The following PTGER3 variants were observed in gnomAD, a reference collection of about 807,000 sequenced individuals.
PTGER3 encodes the protein prostaglandin E receptor 3.
In PTGER3, 22 loss-of-function variants were observed where a neutral mutation model predicts 34.7. The ratio of observed to expected loss-of-function variants is 0.63; its 90% confidence interval spans 0.45 to 0.91. The LOEUF (loss-of-function observed/expected upper bound fraction) is 0.91. Among genes scored for constraint, PTGER3 ranks in the 40% least tolerant of loss-of-function variants. The probability of loss-of-function intolerance (pLI) is 0.00; values close to 1 mark genes in which losing one functional copy is unlikely to be tolerated. For synonymous variants in PTGER3, 241 were observed against 230.1 expected (o/e 1.05, Z -0.43); for missense variants, 468 against 519.4 (o/e 0.90, Z 0.96).
At chr1:70,972,781 A>G (rs2100682586) in intron 3 of PTGER3, among the ~76,000 whole-genome samples, 2 of 152,244 alleles carry the variant, frequency 1.3e-5, no homozygotes, top group African/African-American at 4.8e-5. Context: ...TGTATATCAT[A>G]ATATTAACAT....
chr1:71,029,391 A>G (rs535913937), intron 1 of PTGER3, among the ~76,000 whole-genome samples: 1 of 152,246 alleles, frequency 6.6e-6, no homozygotes, highest in Non-Finnish European at 1.5e-5. Flanking sequence ...TTTGACCCCA[A>G]GAAAGTTACT....
intron 4 of PTGER3, among the ~76,000 whole-genome samples, chr1:70,884,815 C>T (rs1646463395): frequency 6.6e-6 from 1 of 152,226 alleles, no homozygotes; most frequent in South Asian, 2.1e-4. Context: ...AGATTGGAAA[C>T]CCTATACAGT....
At chr1:70,878,325 G>A (rs1248423472) in intron 4 of PTGER3, among the ~76,000 whole-genome samples, 4 of 151,758 alleles carry the variant, frequency 2.6e-5, no homozygotes, top group Non-Finnish European at 5.9e-5. Context: ...AAGTACCCCT[G>A]GTCATTTCTG....
intron 1 of PTGER3, among the ~76,000 whole-genome samples, chr1:71,031,424 T>C (rs1262653345): frequency 6.6e-6 from 1 of 152,180 alleles, no homozygotes; most frequent in Non-Finnish European, 1.5e-5. Flanking sequence ...ACCGTTTCTC[T>C]GTATTCTGGG....
intron 4 of PTGER3, among the ~76,000 whole-genome samples, chr1:70,941,940 T>A (rs967030091): frequency 6.6e-6 from 1 of 152,130 alleles, no homozygotes; most frequent in Admixed American, 6.6e-5. Flanking sequence ...TCCTCAAATT[T>A]ATAAGAACCC....
At chr1:71,011,988 G>C in intron 2 of PTGER3, 1 of 1,351,528 alleles carries the variant, frequency 7.4e-7, no homozygotes, top group South Asian at 1.9e-5. Context: ...GCTACGAATG[G>C]CAGACTCAAC....
intron 4 of PTGER3, among the ~76,000 whole-genome samples, chr1:70,917,788 C>T (rs1037163819): frequency 6.6e-6 from 1 of 151,850 alleles, no homozygotes; most frequent in African/African-American, 2.4e-5. Context: ...TTTGCAATTT[C>T]CTGATAATTA....
At chr1:71,015,188 C>A (rs1657782260) in intron 1 of PTGER3, among the ~76,000 whole-genome samples, 1 of 152,166 alleles carries the variant, frequency 6.6e-6, no homozygotes, top group Non-Finnish European at 1.5e-5. Flanking sequence ...AAACCACTGG[C>A]CTCTGAAGGC....
At chr1:70,939,156 C>A (rs1288935870) in intron 4 of PTGER3, among the ~76,000 whole-genome samples, 3 of 152,158 alleles carry the variant, frequency 2.0e-5, no homozygotes, top group Non-Finnish European at 4.4e-5. Context: ...GGGAACCGTG[C>A]AAGTCCAAAA....
At chr1:70,913,031 C>A (rs1257125715) in intron 4 of PTGER3, among the ~76,000 whole-genome samples, 1 of 151,854 alleles carries the variant, frequency 6.6e-6, no homozygotes, top group African/African-American at 2.4e-5. Flanking sequence ...ATAGAAAATG[C>A]CTGCTGGGAT....
At chr1:70,866,876 C>G (rs1423581653) in intron 4 of PTGER3, among the ~76,000 whole-genome samples, 1 of 152,208 alleles carries the variant, frequency 6.6e-6, no homozygotes, top group Non-Finnish European at 1.5e-5. Context: ...GGATCAGCTT[C>G]TCTGCTCCGA....
chr1:71,018,997 G>C (rs886432376), intron 1 of PTGER3, among the ~76,000 whole-genome samples: 11 of 152,118 alleles, frequency 7.2e-5, no homozygotes, highest in African/African-American at 2.7e-4. Context: ...ATTTCCAAAT[G>C]GCAGCAGAGA....
At chr1:70,949,747 C>T (rs1199135683), downstream of PTGER3, among the ~76,000 whole-genome samples, 1 of 152,082 alleles carries the variant, frequency 6.6e-6, no homozygotes, top group Non-Finnish European at 1.5e-5. Flanking sequence ...TAGCACTGTT[C>T]AATACAACTT....
intron 1 of PTGER3, among the ~76,000 whole-genome samples, chr1:71,032,659 T>A (rs1659507973): frequency 6.6e-6 from 1 of 152,174 alleles, no homozygotes; most frequent in African/African-American, 2.4e-5. Flanking sequence ...AGTGCTGGCT[T>A]CCATCTTCTA....
At chr1:70,959,295 T>C (rs1651679531) in intron 2 of PTGER3, among the ~76,000 whole-genome samples, 1 of 152,190 alleles carries the variant, frequency 6.6e-6, no homozygotes, top group African/African-American at 2.4e-5. Flanking sequence ...ATTTTAATGA[T>C]TGTTTTCTCC....
intron 4 of PTGER3, among the ~76,000 whole-genome samples, chr1:70,914,944 T>G (rs987996876): frequency 6.6e-6 from 1 of 151,904 alleles, no homozygotes; most frequent in African/African-American, 2.4e-5. Context: ...CTGTGTTCAG[T>G]CATTCAGTCA....
At chr1:70,963,542 C>T (rs796837127) in intron 2 of PTGER3, among the ~76,000 whole-genome samples, 2 of 152,316 alleles carry the variant, frequency 1.3e-5, no homozygotes, top group Admixed American at 6.5e-5. Flanking sequence ...GGCCCAACAC[C>T]GTGTGGAAGC....
chr1:70,964,870 A>G (rs1011468331), intron 2 of PTGER3, among the ~76,000 whole-genome samples: 2 of 152,210 alleles, frequency 1.3e-5, no homozygotes, highest in Admixed American at 6.5e-5. Flanking sequence ...TACCAGCTCT[A>G]TGCCATACAC....
chr1:70,975,980 G>A (rs780328936), intron 2 of PTGER3, among the ~76,000 whole-genome samples: 1 of 152,020 alleles, frequency 6.6e-6, no homozygotes, highest in Non-Finnish European at 1.5e-5. Context: ...ATGCTGCTTG[G>A]TTCTTATTTA....
Sources: allele counts gnomAD v4.1 joint callset (sites outside exome capture counted in the v4.1 genomes callset), GRCh38; gene constraint gnomAD v4.1.1; transcripts MANE v1.5; gene names NCBI Gene and HGNC (gene_info 2026-07-23, HGNC 2026-07-21).